Variants in OR1J2 observed in about 807,000 individuals in gnomAD.
The protein encoded by OR1J2 is olfactory receptor 1J2.
For missense variants in OR1J2, 304 were observed against 246.1 expected, an observed-to-expected ratio of 1.24 and a Z score of -1.57; for synonymous variants, 142 against 99.7, an observed-to-expected ratio of 1.42 and a Z score of -2.52.
At chr9:122,450,974 T>C in the OR1J2 span, among the ~76,000 whole-genome samples, 2 of 152,110 alleles carry the variant, frequency 1.3e-5, no homozygotes, top group Non-Finnish European at 2.9e-5. Context: ...CTATAACATT[T>C]TATGCACAAA....
the OR1J2 span, among the ~76,000 whole-genome samples, chr9:122,482,621 T>C: frequency 6.6e-6 from 1 of 152,162 alleles, no homozygotes; most frequent in African/African-American, 2.4e-5. Context: ...TAAATGTCCA[T>C]CAGTGGATAA....
chr9:122,496,856 G>A, the OR1J2 span, among the ~76,000 whole-genome samples: 12 of 152,138 alleles, frequency 7.9e-5, no homozygotes, highest in African/African-American at 2.7e-4. Context: ...ATGATAGGCA[G>A]GTTTGCCTTA....
At chr9:122,548,526 A>G in the OR1J2 span, among the ~76,000 whole-genome samples, 2 of 151,962 alleles carry the variant, frequency 1.3e-5, no homozygotes, top group Non-Finnish European at 2.9e-5. Context: ...TCATTAGGAG[A>G]TGGTTATATG....
At chr9:122,540,923 T>C in the OR1J2 span, among the ~76,000 whole-genome samples, 1 of 152,184 alleles carries the variant, frequency 6.6e-6, no homozygotes, top group Non-Finnish European at 1.5e-5. Flanking sequence ...TGTTTGTCTG[T>C]TATTGGTGTA....
the OR1J2 span, among the ~76,000 whole-genome samples, chr9:122,525,217 C>T: frequency 2.0e-5 from 3 of 152,118 alleles, no homozygotes; most frequent in East Asian, 1.9e-4. Flanking sequence ...ATGGAATCCT[C>T]GCGTACTAAG....
chr9:122,568,271 G>A, the OR1J2 span: 1 of 1,614,052 alleles, frequency 6.2e-7, no homozygotes, highest in South Asian at 1.1e-5. Context: ...AAATATCAGT[G>A]AGAGACAGAA....
the OR1J2 span, among the ~76,000 whole-genome samples, chr9:122,524,230 T>C: frequency 6.6e-6 from 1 of 152,214 alleles, no homozygotes; most frequent in Non-Finnish European, 1.5e-5. Flanking sequence ...GTTTGTAGCC[T>C]GGGAGCATTA....
At chr9:122,532,443 TG>T in the OR1J2 span, among the ~76,000 whole-genome samples, 1 of 151,452 alleles carries the variant, frequency 6.6e-6, no homozygotes, top group Admixed American at 6.6e-5. Context: ...TGTGGGGAAA[TG>T]GGGTGAACGT....
the OR1J2 span, among the ~76,000 whole-genome samples, chr9:122,451,227 C>T: frequency 6.8e-6 from 1 of 147,320 alleles, no homozygotes; most frequent in Non-Finnish European, 1.5e-5. Context: ...CTCTTGTTAC[C>T]CAGGCTGGAG....
chr9:122,461,683 A>T, the OR1J2 span, among the ~76,000 whole-genome samples: 2 of 152,268 alleles, frequency 1.3e-5, no homozygotes, highest in East Asian at 3.9e-4. Context: ...CCCAATGATC[A>T]TTCAGGAGTG....
the OR1J2 span, among the ~76,000 whole-genome samples, chr9:122,491,407 AAGAAG>A: frequency 1.3e-5 from 2 of 152,048 alleles, no homozygotes; most frequent in African/African-American, 4.8e-5. Flanking sequence ...GCTGAGGAAA[AAGAAG>A]AAGGAGGGGA....
chr9:122,544,154 A>G, the OR1J2 span, among the ~76,000 whole-genome samples: 5 of 152,190 alleles, frequency 3.3e-5, no homozygotes, highest in East Asian at 9.7e-4. Context: ...AAAATAATGA[A>G]TAAATTAAAA....
the OR1J2 span, among the ~76,000 whole-genome samples, chr9:122,480,864 G>A: frequency 2.0e-4 from 30 of 151,958 alleles, no homozygotes; most frequent in African/African-American, 5.3e-4. Context: ...GCACAATCCC[G>A]GCTCACTGCA....
chr9:122,513,447 G>A (rs563720695), downstream of OR1J2, among the ~76,000 whole-genome samples: 14 of 152,200 alleles, frequency 9.2e-5, no homozygotes, highest in South Asian at 2.5e-3. Context: ...CTTTGGGCGG[G>A]TGAAAACAGT....
At chr9:122,499,095 A>G in the OR1J2 span, among the ~76,000 whole-genome samples, 1 of 152,262 alleles carries the variant, frequency 6.6e-6, no homozygotes, top group Non-Finnish European at 1.5e-5. Context: ...AGGAATGCAC[A>G]GTAGTCTGAG....
the OR1J2 span, among the ~76,000 whole-genome samples, chr9:122,579,750 G>T: frequency 6.6e-6 from 1 of 152,104 alleles, no homozygotes; most frequent in African/African-American, 2.4e-5. Context: ...CAAGATTTGT[G>T]TAGGGAAGAA....
the OR1J2 span, among the ~76,000 whole-genome samples, chr9:122,517,781 G>A: frequency 5.3e-5 from 8 of 151,814 alleles, no homozygotes; most frequent in Non-Finnish European, 7.4e-5. Context: ...ACAGGTAAAC[G>A]TGTGCCATGG....
the OR1J2 span, among the ~76,000 whole-genome samples, chr9:122,545,830 C>T: frequency 6.6e-6 from 1 of 151,850 alleles, no homozygotes; most frequent in Non-Finnish European, 1.5e-5. Context: ...AAATACCAGA[C>T]TGGGAATTAT....
chr9:122,480,158 A>G, the OR1J2 span, among the ~76,000 whole-genome samples: 1 of 152,218 alleles, frequency 6.6e-6, no homozygotes, highest in Non-Finnish European at 1.5e-5. Flanking sequence ...CTTGTTACAA[A>G]TAATAAATAT....
Sources: allele counts gnomAD v4.1 joint callset (sites outside exome capture counted in the v4.1 genomes callset), GRCh38; gene constraint gnomAD v4.1.1; transcripts MANE v1.5; gene names NCBI Gene and HGNC (gene_info 2026-07-23, HGNC 2026-07-21).